Variants in STXBP6 observed in about 807,000 individuals in gnomAD.
STXBP6 encodes the protein syntaxin binding protein 6.
Under a neutral mutation model 26.9 loss-of-function variants are expected in STXBP6, and 21 were observed. The ratio of observed to expected loss-of-function variants is 0.78; its 90% CI spans 0.55 to 1.12. The LOEUF (loss-of-function observed/expected upper bound fraction) is 1.12, where lower values mean the gene tolerates loss of function less well. Ranked by LOEUF, STXBP6 falls within the 50% of genes most tolerant of loss-of-function variation. The pLI, the probability that STXBP6 is intolerant of heterozygous loss-of-function variation, is 0.00. For missense variants in STXBP6, 232 were observed against 257.9 expected, an observed-to-expected ratio of 0.90 and a Z score of 0.69; for synonymous variants, 97 against 92.6, an observed-to-expected ratio of 1.05 and a Z score of -0.27.
intron 2 of STXBP6, among the ~76,000 whole-genome samples, chr14:24,939,249 G>A (rs546839901): frequency 2.6e-5 from 4 of 152,094 alleles, no homozygotes; most frequent in Non-Finnish European, 5.9e-5. Flanking sequence ...CAGACCACAG[G>A]GATATATGGA....
intron 2 of STXBP6, among the ~76,000 whole-genome samples, chr14:24,959,439 T>C (rs2073454616): frequency 6.6e-6 from 1 of 152,176 alleles, no homozygotes; most frequent in South Asian, 2.1e-4. Flanking sequence ...CTTCAGACCA[T>C]TTCAGAAACC....
chr14:24,907,053 G>C (rs2071408489), intron 2 of STXBP6, among the ~76,000 whole-genome samples: 1 of 152,084 alleles, frequency 6.6e-6, no homozygotes, highest in African/African-American at 2.4e-5. Context: ...ATAAGAGTTG[G>C]TTATGAGTAC....
intron 4 of STXBP6, among the ~76,000 whole-genome samples, chr14:24,819,888 T>C (rs950223230): frequency 6.6e-6 from 1 of 152,112 alleles, no homozygotes; most frequent in African/African-American, 2.4e-5. Context: ...CTCAGGACCA[T>C]ACTTAACCAG....
intron 2 of STXBP6, among the ~76,000 whole-genome samples, chr14:24,932,628 T>C (rs1272473883): frequency 1.3e-5 from 2 of 152,168 alleles, no homozygotes; most frequent in African/African-American, 2.4e-5. Context: ...GCTAGGTGGC[T>C]ATTCTAGGTG....
chr14:24,878,335 T>C (rs2070223902), intron 2 of STXBP6, among the ~76,000 whole-genome samples: 1 of 152,168 alleles, frequency 6.6e-6, no homozygotes, highest in Non-Finnish European at 1.5e-5. Flanking sequence ...TTTTCTGGTT[T>C]TACTTTTTAA....
chr14:24,913,468 T>A (rs2071648221), intron 2 of STXBP6, among the ~76,000 whole-genome samples: 1 of 152,194 alleles, frequency 6.6e-6, no homozygotes, highest in Admixed American at 6.5e-5. Context: ...GTACATTATT[T>A]GTCAACCACA....
At chr14:24,929,411 A>G (rs1468002696) in intron 2 of STXBP6, among the ~76,000 whole-genome samples, 1 of 152,218 alleles carries the variant, frequency 6.6e-6, no homozygotes, top group Admixed American at 6.5e-5. Flanking sequence ...GTCTCCATAT[A>G]CTTATGGCAA....
intron 2 of STXBP6, among the ~76,000 whole-genome samples, chr14:24,895,199 G>A (rs531900846): frequency 2.6e-5 from 4 of 152,262 alleles, no homozygotes; most frequent in South Asian, 2.1e-4. Context: ...CAGCAAAGGA[G>A]CAAGGCACAG....
chr14:24,858,522 T>C (rs1163373157), intron 2 of STXBP6, among the ~76,000 whole-genome samples: 1 of 152,150 alleles, frequency 6.6e-6, no homozygotes, highest in African/African-American at 2.4e-5. Flanking sequence ...GAATATTTCA[T>C]ACCAATTACA....
chr14:25,041,386 A>G (rs981050053), intron 1 of STXBP6, among the ~76,000 whole-genome samples: 3 of 152,232 alleles, frequency 2.0e-5, no homozygotes, highest in African/African-American at 7.2e-5. Context: ...TAAGGATTTA[A>G]TCTTAAAACA....
chr14:24,900,137 A>T lies in STXBP6; in HGVS notation c.155-42980T>A, dbSNP rs568007404. Among the ~76,000 whole-genome samples the T allele has an allele frequency of 2.6e-5, 4 of 152,250 alleles. No individual in the cohort carries two copies. The South Asian group carries it at 8.3e-4, about 32-fold the overall frequency. ...TGCTTAATTTTGTTCCTAATATTAGATTTTTCTTTTTTCATTTTCTTAGAA... is the reference window on the plus strand; with the variant it reads ...TGCTTAATTTTGTTCCTAATATTAGTTTTTTCTTTTTTCATTTTCTTAGAA... On this transcript the variant is annotated intron_variant, in intron 2 of 5. Coordinates refer to ENST00000323944, the MANE Select transcript of STXBP6 (RefSeq NM_001394410.1).
chr14:24,881,779 T>G (rs1269722928), intron 2 of STXBP6, among the ~76,000 whole-genome samples: 1 of 152,186 alleles, frequency 6.6e-6, no homozygotes, highest in East Asian at 1.9e-4. Context: ...GTCATCACTC[T>G]GAAATGTAGC....
intron 4 of STXBP6, among the ~76,000 whole-genome samples, chr14:24,850,155 C>T (rs1028083837): frequency 6.6e-6 from 1 of 152,146 alleles, no homozygotes; most frequent in East Asian, 1.9e-4. Flanking sequence ...TAGTTGCACA[C>T]CTCACCTAGG....
At chr14:24,895,460 G>A (rs947951281) in intron 2 of STXBP6, among the ~76,000 whole-genome samples, 1 of 152,162 alleles carries the variant, frequency 6.6e-6, no homozygotes, top group Non-Finnish European at 1.5e-5. Context: ...CGGTTAGGAG[G>A]AGTCGCAATA....
Position 24,925,565 on chromosome 14 carries a change from C to T in STXBP6, c.154+49100G>A, listed in dbSNP as rs8016114. On this transcript the variant is annotated intron_variant, in intron 2 of 5. Transcript: ENST00000323944. ...TGTTCAGTCCAACAGCTGTCCCGTC[C>T]CCAAGGAGGTACCAAGAAGAGTGGC... 2.2e-3 allele frequency among the ~76,000 whole-genome samples: 333 copies of T among 152,230 alleles called. 2 individuals carry two copies. Among genetic ancestry groups the T allele is most frequent in the Non-Finnish European group, 3.4e-3 (232 of 68,018 alleles).
At chr14:24,939,375 G>C (rs2072719764) in intron 2 of STXBP6, among the ~76,000 whole-genome samples, 1 of 152,010 alleles carries the variant, frequency 6.6e-6, no homozygotes, top group Non-Finnish European at 1.5e-5. Context: ...GGGTTCCTCT[G>C]AAACAACAGA....
At chr14:25,005,049 G>C (rs761998424) in intron 1 of STXBP6, among the ~76,000 whole-genome samples, 1 of 152,030 alleles carries the variant, frequency 6.6e-6, no homozygotes, top group African/African-American at 2.4e-5. Flanking sequence ...TAGTCACTGC[G>C]GGAGCTGATC....
intron 1 of STXBP6, among the ~76,000 whole-genome samples, chr14:24,977,503 A>C (rs1940981632): frequency 6.6e-6 from 1 of 152,164 alleles, no homozygotes; most frequent in Non-Finnish European, 1.5e-5. Flanking sequence ...TCAGGTTCAA[A>C]TTTTAACTCC....
At chr14:24,988,257 G>A (rs964338010) in intron 1 of STXBP6, among the ~76,000 whole-genome samples, 5 of 152,164 alleles carry the variant, frequency 3.3e-5, no homozygotes, top group Non-Finnish European at 5.9e-5. Flanking sequence ...CTAGGGGCAG[G>A]ACCTATCCTT....
Sources: allele counts gnomAD v4.1 joint callset (sites outside exome capture counted in the v4.1 genomes callset), GRCh38; gene constraint gnomAD v4.1.1; transcripts MANE v1.5; gene names NCBI Gene and HGNC (gene_info 2026-07-23, HGNC 2026-07-21).